The following RBFOX1 variants were observed in gnomAD, a reference collection of about 807,000 sequenced individuals.
RBFOX1 encodes RNA binding fox-1 homolog 1.
In RBFOX1, 8 loss-of-function variants were observed where a neutral mutation model predicts 57.7. The ratio of observed to expected loss-of-function variants is 0.14; its 90% CI spans 0.08 to 0.25. RBFOX1 has a LOEUF of 0.25. Among genes scored for constraint, RBFOX1 ranks in the 10% least tolerant of loss-of-function variants. RBFOX1 has a pLI of 1.00. For missense variants in RBFOX1, 611 were observed against 548.5 expected, an observed-to-expected ratio of 1.11 and a Z score of -1.14; for synonymous variants, 326 against 222.4, an observed-to-expected ratio of 1.47 and a Z score of -4.15.
chr16:7,064,511 G>T (rs1278602141), intron 4 of RBFOX1, among the ~76,000 whole-genome samples: 4 of 151,958 alleles, frequency 2.6e-5, no homozygotes, highest in Non-Finnish European at 4.4e-5. Flanking sequence ...ACATAGACAC[G>T]CACAAAGGGC....
At chr16:5,628,140 C>A (rs1176595669) in intron 3 of RBFOX1, among the ~76,000 whole-genome samples, 1 of 152,136 alleles carries the variant, frequency 6.6e-6, no homozygotes, top group African/African-American at 2.4e-5. Context: ...TTGGTGCTGG[C>A]TCACAGTTTA....
At chr16:7,625,903 C>T (rs2060001377) in intron 10 of RBFOX1, among the ~76,000 whole-genome samples, 1 of 152,184 alleles carries the variant, frequency 6.6e-6, no homozygotes, top group Non-Finnish European at 1.5e-5. Flanking sequence ...TTCCTGGACT[C>T]ATGAGGATAG....
At chr16:7,275,665 T>C (rs2095426714) in intron 4 of RBFOX1, among the ~76,000 whole-genome samples, 2 of 152,124 alleles carry the variant, frequency 1.3e-5, no homozygotes, top group Admixed American at 1.3e-4. Flanking sequence ...GGGAACATAA[T>C]TGGAGTTCTG....
At chr16:6,219,028 A>T (rs1339075592) in intron 1 of RBFOX1, among the ~76,000 whole-genome samples, 2 of 152,230 alleles carry the variant, frequency 1.3e-5, no homozygotes, top group Non-Finnish European at 2.9e-5. Flanking sequence ...CTCAGGGGCC[A>T]CATCTGTGGA....
chr16:7,444,732 A>C (rs1000826127), intron 4 of RBFOX1, among the ~76,000 whole-genome samples: 46 of 152,180 alleles, frequency 3.0e-4, no homozygotes, highest in African/African-American at 1.1e-3. Context: ...AGGGCTCCCT[A>C]CGTTGCCCAG....
At chr16:5,298,370 A>G (rs961707197) in intron 1 of RBFOX1, among the ~76,000 whole-genome samples, 25 of 152,052 alleles carry the variant, frequency 1.6e-4, no homozygotes, top group Non-Finnish European at 2.6e-4. Context: ...GTTGGGGTAA[A>G]TAAGTCTAAG....
chr16:7,350,010 G>A (rs1038084069), intron 4 of RBFOX1, among the ~76,000 whole-genome samples: 2 of 152,140 alleles, frequency 1.3e-5, no homozygotes, highest in Non-Finnish European at 2.9e-5. Flanking sequence ...TAGCTGGCAT[G>A]ATGGCGCATG....
chr16:5,977,311 C>T (rs1267132633), intron 4 of RBFOX1, among the ~76,000 whole-genome samples: 3 of 152,210 alleles, frequency 2.0e-5, no homozygotes, highest in East Asian at 3.9e-4. Context: ...ATGCTGGAGG[C>T]CTTCCTGGGC....
At chr16:5,740,892 C>T (rs952135234) in intron 3 of RBFOX1, among the ~76,000 whole-genome samples, 55 of 152,050 alleles carry the variant, frequency 3.6e-4, no homozygotes, top group African/African-American at 1.1e-3. Context: ...TGGCAGGGAA[C>T]GGAAGTCACC....
Position 7,705,170 on chromosome 16 carries a change from A to C in RBFOX1, c.996-3886A>C, listed in dbSNP as rs537214969. Among the ~76,000 whole-genome samples, 5 of 152,304 alleles carry C rather than the reference A, an allele frequency of 3.3e-5. No homozygotes were observed. The East Asian group carries it at 9.7e-4, about 29-fold the overall frequency. ...AGGTGGAGGGTGAGCAAGTGCCAAG[A>C]CTAAGCAGAGAATGGATTTGCATGT... On this transcript the variant is annotated intron_variant, in intron 14 of 15. Transcript: ENST00000550418.
In RBFOX1 at chr16:7,419,186, G is replaced by T. The variant is rs1051127685; in HGVS notation, c.28-98961G>T. 5.9e-5 allele frequency among the ~76,000 whole-genome samples: 9 copies of T among 152,152 alleles called. No homozygotes were observed. In the East Asian group the frequency reaches 1.7e-3, roughly 29 times the overall value. On this transcript the variant is annotated intron_variant, in intron 4 of 15. Transcript: ENST00000550418. Reference sequence around the variant, plus strand: ...GCCTCCCAAAGTGCTGGGATTACAAGCGTGAGCACCACCACCGTCCCCCAC... The same window carrying T: ...GCCTCCCAAAGTGCTGGGATTACAATCGTGAGCACCACCACCGTCCCCCAC...
intron 3 of RBFOX1, among the ~76,000 whole-genome samples, chr16:5,771,515 T>G (rs1228520694): frequency 1.3e-5 from 2 of 152,190 alleles, no homozygotes; most frequent in Non-Finnish European, 2.9e-5. Context: ...TTCACATGAT[T>G]CTTATGCCTC....
intron 2 of RBFOX1, among the ~76,000 whole-genome samples, chr16:6,356,515 T>C (rs1209697773): frequency 6.6e-6 from 1 of 152,192 alleles, no homozygotes; most frequent in South Asian, 2.1e-4. Flanking sequence ...AATTCCAGTC[T>C]GATTATGAGG....
chr16:7,539,467 A>C (rs541465529), intron 5 of RBFOX1, among the ~76,000 whole-genome samples: 1 of 152,280 alleles, frequency 6.6e-6, no homozygotes, highest in African/African-American at 2.4e-5. Context: ...TAATATAAAG[A>C]GCGTATTTTT....
intron 3 of RBFOX1, among the ~76,000 whole-genome samples, chr16:5,613,058 G>A (rs909231268): frequency 6.6e-6 from 1 of 152,196 alleles, no homozygotes; most frequent in African/African-American, 2.4e-5. Flanking sequence ...AAGGCTAGGG[G>A]AGGGCCCTGA....
chr16:6,729,723 G>T (rs1180410373), intron 3 of RBFOX1, among the ~76,000 whole-genome samples: 1 of 152,136 alleles, frequency 6.6e-6, no homozygotes, highest in Admixed American at 6.6e-5. Flanking sequence ...TATGAAAGCA[G>T]AATTCCACCT....
In RBFOX1 at chr16:7,599,638, C is replaced by CTTTTTTTTTTTTTTTTTTTT. The variant is rs542898195; in HGVS notation, c.622+2219_622+2220insTTTTTTTTTTTTTTTTTTTT. ...GAGAAGATGAAGAAATTAATAAAGA[C>CTTTTTTTTTTTTTTTTTTTT]TTTTTTTTTTTTCTTTTTTTTTTTT... On this transcript the variant is annotated intron_variant, in intron 9 of 15. Coordinates refer to ENST00000550418, the MANE Select transcript of RBFOX1 (RefSeq NM_018723.4). Among the ~76,000 whole-genome samples the CTTTTTTTTTTTTTTTTTTTT allele has an allele frequency of 6.4e-5, 4 of 62,804 alleles. 2 individuals carry two copies. The highest frequency in any genetic ancestry group is 9.8e-5 in the African/African-American group (2 of 20,312). 41.2% of individuals were successfully genotyped at this position (62,804 alleles called of 152,430 possible).
At chr16:7,440,044 C>T (rs539956552) in intron 4 of RBFOX1, among the ~76,000 whole-genome samples, 53 of 150,666 alleles carry the variant, frequency 3.5e-4, no homozygotes, top group African/African-American at 9.5e-4. Flanking sequence ...CTCCATCTCC[C>T]GGGTTCAGGT....
At chr16:5,693,893 C>G (rs1223306747) in intron 3 of RBFOX1, among the ~76,000 whole-genome samples, 2 of 152,182 alleles carry the variant, frequency 1.3e-5, no homozygotes, top group African/African-American at 4.8e-5. Context: ...AGAGGACTGT[C>G]TTCTGGGCTG....
Sources: allele counts gnomAD v4.1 joint callset (sites outside exome capture counted in the v4.1 genomes callset), GRCh38; gene constraint gnomAD v4.1.1; transcripts MANE v1.5; gene names NCBI Gene and HGNC (gene_info 2026-07-23, HGNC 2026-07-21).